Variants in ANKRD33B observed in about 807,000 individuals in gnomAD.
ANKRD33B encodes the protein ankyrin repeat domain-containing protein 33B.
A neutral mutation model predicts 21.5 loss-of-function variants in ANKRD33B; 6 were observed. That is an observed-to-expected ratio of 0.28 (90% CI 0.15 to 0.55). The LOEUF (loss-of-function observed/expected upper bound fraction) is 0.55. ANKRD33B is among the 20% of genes least tolerant of loss of function. The probability of loss-of-function intolerance (pLI) is 0.94; values close to 1 mark genes in which losing one functional copy is unlikely to be tolerated. For missense variants in ANKRD33B, 698 were observed against 747.2 expected (o/e 0.93, Z 0.77); for synonymous variants, 347 against 342.4 (o/e 1.01, Z -0.15).
At chr5:10,648,493 C>T (rs1737240039) in intron 3 of ANKRD33B, among the ~76,000 whole-genome samples, 1 of 152,268 alleles carries the variant, frequency 6.6e-6, no homozygotes, top group African/African-American at 2.4e-5. Context: ...GGCGCAGTGG[C>T]TCACGCCTGT....
chr5:10,648,915 G>T (rs962408009), intron 3 of ANKRD33B, among the ~76,000 whole-genome samples: 1 of 152,142 alleles, frequency 6.6e-6, no homozygotes, highest in Non-Finnish European at 1.5e-5. Context: ...AGGATTGCTT[G>T]AACCCAGCAG....
At position 10,655,841 on chromosome 5, in the gene ANKRD33B, C is replaced by G. The variant is rs1737476237; in HGVS notation, c.*5728C>G. Reference sequence around the variant, plus strand: ...ACCTGGGGGCCCTGTTTCTTCCAGCCTGGTCCTTGGTTTCTACCCCAGCCG... The same window carrying G: ...ACCTGGGGGCCCTGTTTCTTCCAGCGTGGTCCTTGGTTTCTACCCCAGCCG... On this transcript the variant is annotated 3_prime_UTR_variant, in exon 4 of 4. Coordinates refer to ENST00000296657, the MANE Select transcript of ANKRD33B (RefSeq NM_001164440.2). 1 of 152,428 alleles carries G rather than the reference C, an allele frequency of 6.6e-6. No homozygotes were observed. 9.4% of individuals were successfully genotyped at this position (152,428 alleles called of 1,614,324 possible). A position where few individuals can be genotyped will look rare whatever the true frequency, so the allele number is the denominator to read the frequency against.
intron 3 of ANKRD33B, among the ~76,000 whole-genome samples, chr5:10,646,144 G>A (rs1313353496): frequency 1.3e-5 from 2 of 152,168 alleles, no homozygotes; most frequent in African/African-American, 4.8e-5. Context: ...AGGATTTTGT[G>A]TAGACTTAGA....
In ANKRD33B at chr5:10,637,168, T is replaced by A. The variant is rs144365417; in HGVS notation, c.497-860T>A. Among the ~76,000 whole-genome samples, 518 of 152,216 alleles carry A rather than the reference T, an allele frequency of 3.4e-3. 3 individuals are homozygous for A. The highest frequency in any genetic ancestry group is 0.012 in the African/African-American group (498 of 41,528). Reference sequence around the variant, plus strand: ...ATGGACAGTTGACCCAAGAGGATGCTCTCCCACTCCATTTTGGTTTTCCAT... The same window carrying A: ...ATGGACAGTTGACCCAAGAGGATGCACTCCCACTCCATTTTGGTTTTCCAT... On this transcript the variant is annotated intron_variant, in intron 2 of 3. Transcript: ENST00000296657.
At chr5:10,623,194 T>C (rs568373470) in intron 2 of ANKRD33B, among the ~76,000 whole-genome samples, 6 of 152,248 alleles carry the variant, frequency 3.9e-5, no homozygotes, top group Non-Finnish European at 7.4e-5. Flanking sequence ...TGTTGAAAAA[T>C]GGCATCAGTG....
chr5:10,591,118 C>T (rs569542894), intron 1 of ANKRD33B, among the ~76,000 whole-genome samples: 1 of 151,694 alleles, frequency 6.6e-6, no homozygotes, highest in Admixed American at 6.6e-5. Context: ...TTTATGGTTT[C>T]CGGCCTTGCT....
intron 2 of ANKRD33B, among the ~76,000 whole-genome samples, chr5:10,624,498 C>T (rs1264663243): frequency 6.6e-6 from 1 of 152,086 alleles, no homozygotes; most frequent in Non-Finnish European, 1.5e-5. Flanking sequence ...TCTCTGTGGC[C>T]GCCACTGTGT....
intron 1 of ANKRD33B, among the ~76,000 whole-genome samples, chr5:10,582,067 C>G (rs920448519): frequency 6.6e-6 from 1 of 152,210 alleles, no homozygotes; most frequent in Non-Finnish European, 1.5e-5. Flanking sequence ...TGCATTCAGC[C>G]TCATGTGCAG....
Position 10,657,313 on chromosome 5 carries a change from T to C in ANKRD33B, c.*7200T>C, listed in dbSNP as rs1180964778. 1 of 152,400 alleles carries C rather than the reference T, an allele frequency of 6.6e-6. No individual in the cohort carries two copies. The highest frequency in any genetic ancestry group is 1.5e-5 in the Non-Finnish European group (1 of 68,046). The allele number at this position is 152,400 out of a possible 1,614,324, so 9.4% of individuals were successfully genotyped here. On this transcript the variant is annotated 3_prime_UTR_variant, in exon 4 of 4. Transcript: ENST00000296657. ...ATTTGGGGGTGTCCAAGGACCTGTG[T>C]TTTTAACAAAGATGACTTTATGACC...
At chr5:10,608,015 A>T (rs1560972131) in intron 1 of ANKRD33B, among the ~76,000 whole-genome samples, 1 of 152,044 alleles carries the variant, frequency 6.6e-6, no homozygotes, top group Non-Finnish European at 1.5e-5. Flanking sequence ...AAGGACTGAG[A>T]ACTGAATTTG....
Position 10,574,944 on chromosome 5 carries a change from G to A in ANKRD33B, c.366+10111G>A, listed in dbSNP as rs1208095606. ...AAAAAAAAAAAATTAAAACTTAGTC[G>A]GGTGTGGTGGCACATGCCTGTTGTC... On this transcript the variant is annotated intron_variant, in intron 1 of 3. Transcript: ENST00000296657. Among the ~76,000 whole-genome samples the A allele has an allele frequency of 3.7e-5, 2 of 54,276 alleles. 1 individual carries two copies. Among genetic ancestry groups the A allele is most frequent in the African/African-American group, 7.6e-5 (2 of 26,220 alleles). The allele number at this position is 54,276 out of a possible 152,430, so 35.6% of individuals were successfully genotyped here. A position where few individuals can be genotyped will look rare whatever the true frequency, so the allele number is the denominator to read the frequency against.
Position 10,571,591 on chromosome 5 carries a change from C to T in ANKRD33B, c.366+6758C>T, listed in dbSNP as rs376382559. ...GCTTTTCATTTCCTAGTCCTGATCT[C>T]CAGCTCTGATTTTTTTAGATTGAGG... is the stretch of plus-strand genomic sequence containing the variant. On this transcript the variant is annotated intron_variant, in intron 1 of 3. Transcript: ENST00000296657. Among the ~76,000 whole-genome samples the T allele has an allele frequency of 2.0e-5, 3 of 152,172 alleles. No homozygotes were observed. In the East Asian group the frequency reaches 5.8e-4, roughly 29 times the overall value.
intron 2 of ANKRD33B, among the ~76,000 whole-genome samples, chr5:10,623,783 C>G (rs904042258): frequency 6.6e-6 from 1 of 152,216 alleles, no homozygotes; most frequent in Admixed American, 6.5e-5. Context: ...ATCCTGAGGG[C>G]AGCATCACAG....
At position 10,652,012 on chromosome 5, in the gene ANKRD33B, A is replaced by C. The variant is rs1044061454; in HGVS notation, c.*1899A>C. 1.3e-5 allele frequency: 2 copies of C among 152,394 alleles called. No homozygotes were observed. Among genetic ancestry groups the C allele is most frequent in the African/African-American group, 4.8e-5 (2 of 41,460 alleles). The allele number at this position is 152,394 out of a possible 1,614,324, so 9.4% of individuals were successfully genotyped here. A position where few individuals can be genotyped will look rare whatever the true frequency, so the allele number is the denominator to read the frequency against. ...TTGACTGTGGGTCACCCTCGTGGCC[A>C]AGGAGTTGGGATTGGCCATGTCTTC... On this transcript the variant is annotated 3_prime_UTR_variant, in exon 4 of 4. Coordinates refer to ENST00000296657, the MANE Select transcript of ANKRD33B (RefSeq NM_001164440.2). This position sits in a 1 kb window ranked among gnomAD's most constrained non-coding sequence, Gnocchi z 4.1.
intron 2 of ANKRD33B, among the ~76,000 whole-genome samples, chr5:10,637,650 G>A (rs767531159): frequency 9.2e-5 from 14 of 152,026 alleles, no homozygotes; most frequent in Non-Finnish European, 1.8e-4. Flanking sequence ...CTGTTTGCAC[G>A]GGCGTCTCCT....
Position 10,590,206 on chromosome 5 carries a change from A to G in ANKRD33B, c.366+25373A>G, listed in dbSNP as rs750256125. Among the ~76,000 whole-genome samples the G allele has an allele frequency of 3.3e-5, 5 of 151,816 alleles. No homozygotes were observed. In the East Asian group the frequency reaches 9.7e-4, roughly 29 times the overall value. ...TCTGGATCTTCTGGGGATGTTTTCT[A>G]TTTTCTGTTTTTCTCTTGGCCCTGT... On this transcript the variant is annotated intron_variant, in intron 1 of 3. Coordinates refer to ENST00000296657, the MANE Select transcript of ANKRD33B (RefSeq NM_001164440.2).
Position 10,570,713 on chromosome 5 carries a change from C to G in ANKRD33B, c.366+5880C>G, listed in dbSNP as rs188863225. On this transcript the variant is annotated intron_variant, in intron 1 of 3. Transcript: ENST00000296657. Reference sequence around the variant, plus strand: ...CTGGGACTATAGGTGCACACCTCCACGCCAGGCTAATTTTTATTTATTTTT... The same window carrying G: ...CTGGGACTATAGGTGCACACCTCCAGGCCAGGCTAATTTTTATTTATTTTT... Among the ~76,000 whole-genome samples the G allele has an allele frequency of 1.3e-3, 199 of 152,134 alleles. 1 individual carries two copies. The highest frequency in any genetic ancestry group is 4.5e-3 in the African/African-American group (186 of 41,498).
chr5:10,642,604 C>G (rs1737085497), intron 3 of ANKRD33B, among the ~76,000 whole-genome samples: 1 of 152,160 alleles, frequency 6.6e-6, no homozygotes, highest in East Asian at 1.9e-4. Flanking sequence ...ATGATAGCAC[C>G]CACCGCAGGA....
rs1318760337 is a variant in ANKRD33B at position 10,564,822 on chromosome 5, C to A, written c.355C>A (p.Arg119Ser). 5 of 1,506,362 alleles carry A rather than the reference C, an allele frequency of 3.3e-6. No individual in the cohort carries two copies. The Admixed American group carries it at 1.0e-4, about 30-fold the overall frequency. The allele number at this position is 1,506,362 out of a possible 1,614,324, so 93.3% of individuals were successfully genotyped here. ...VSVEEAQETD[R>S]NGRTGLIVAC... is the part of the protein sequence containing the mutation. The stretch of plus-strand genomic sequence containing the variant: ...CGTCGAGGAGGCGCAGGAGACTGAC[C>A]GCAACGGCAGGGTAAGCGGGCGTCC... Residue 119 changes from arginine to serine, a missense_variant, in exon 1 of 4, where the codon CGC becomes AGC. By Grantham distance (110) the Arg-to-Ser change is moderately radical. Coordinates refer to ENST00000296657, the MANE Select transcript of ANKRD33B (RefSeq NM_001164440.2).
Sources: allele counts gnomAD v4.1 joint callset (sites outside exome capture counted in the v4.1 genomes callset), GRCh38; gene constraint gnomAD v4.1.1; non-coding constraint Gnocchi (gnomAD v3.1); transcripts MANE v1.5; gene names NCBI Gene and HGNC (gene_info 2026-07-23, HGNC 2026-07-21).